HDAC4: variants seen among roughly 807,000 people sequenced by gnomAD.
HDAC4 encodes histone deacetylase 4, also known as histone deacetylase A.
HDAC4 carries 16 observed loss-of-function variants against 135.1 expected under a neutral mutation model. That is an observed-to-expected ratio of 0.12 (90% CI 0.08 to 0.18). The LOEUF (loss-of-function observed/expected upper bound fraction) is 0.18, where lower values mean the gene tolerates loss of function less well. Ranked by LOEUF, HDAC4 falls within the 10% of genes least tolerant of loss-of-function variation. The pLI is 1.00. For missense variants in HDAC4, 1,143 were observed against 1,511.8 expected (o/e 0.76, Z 4.05); for synonymous variants, 685 against 653.4 (o/e 1.05, Z -0.74).
chr2:239,252,992 T>C (rs1251404565), intron 2 of HDAC4, among the ~76,000 whole-genome samples: 1 of 152,222 alleles, frequency 6.6e-6, no homozygotes, highest in Non-Finnish European at 1.5e-5. Context: ...CACTGCACAC[T>C]TCCTAGCAGG....
At chr2:239,225,537 C>T (rs942159519) in intron 3 of HDAC4, among the ~76,000 whole-genome samples, 1 of 152,210 alleles carries the variant, frequency 6.6e-6, no homozygotes, top group African/African-American at 2.4e-5. Context: ...TGAGAAACAC[C>T]TGGATGGAGG....
At chr2:239,260,384 C>T (rs569716384) in intron 2 of HDAC4, among the ~76,000 whole-genome samples, 48 of 152,310 alleles carry the variant, frequency 3.2e-4, no homozygotes, top group Middle Eastern at 3.4e-3. Context: ...GGAAGGACAA[C>T]GCTTGGATCT....
intron 2 of HDAC4, among the ~76,000 whole-genome samples, chr2:239,292,437 G>A (rs74469943): frequency 0.036 from 5,445 of 152,278 alleles, 124 homozygotes; most frequent in East Asian, 0.079. Flanking sequence ...GCTGAGCCCC[G>A]CTGTCCATCT....
At chr2:239,064,190 G>T (rs1188512872) in intron 24 of HDAC4, among the ~76,000 whole-genome samples, 1 of 152,260 alleles carries the variant, frequency 6.6e-6, no homozygotes, top group Non-Finnish European at 1.5e-5. Context: ...TGTGTCACCT[G>T]GAGATATTGC....
Position 239,152,429 on chromosome 2 carries a change from T to C in HDAC4, c.733+4223A>G, listed in dbSNP as rs554874430. On this transcript the variant is annotated intron_variant, in intron 7 of 26. Coordinates refer to ENST00000543185, the MANE Select transcript of HDAC4 (RefSeq NM_001378414.1). ...TGGGAAGGGACCAGGCACCTCACCC[T>C]GGGCCGAAATCTGGCGGGAGGTGAA... 5.3e-5 allele frequency among the ~76,000 whole-genome samples: 8 copies of C among 152,344 alleles called. No individual in the cohort carries two copies. In the South Asian group the frequency reaches 1.7e-3, roughly 32 times the overall value.
At position 239,400,158 on chromosome 2, in the gene HDAC4, G is replaced by A. The variant is rs1297972662; in HGVS notation, c.-220+820C>T. Among the ~76,000 whole-genome samples, 1 of 151,702 alleles carries A rather than the reference G, an allele frequency of 6.6e-6. No homozygotes were observed. Among genetic ancestry groups the A allele is most frequent in the Non-Finnish European group, 1.5e-5 (1 of 67,834 alleles). Reference sequence around the variant, plus strand: ...GGACCGGGCCCCGTCTCGGCCTGCTGGCGCCCTGCGGGCTGAGCCGAGCGG... The same window carrying A: ...GGACCGGGCCCCGTCTCGGCCTGCTAGCGCCCTGCGGGCTGAGCCGAGCGG... On this transcript the variant is annotated intron_variant, in intron 1 of 26. Transcript: ENST00000543185. This position sits in a 1 kb window ranked among gnomAD's most constrained non-coding sequence, Gnocchi z 4.7.
chr2:239,104,838 G>C (rs1321755317), intron 15 of HDAC4, among the ~76,000 whole-genome samples: 2 of 152,256 alleles, frequency 1.3e-5, no homozygotes, highest in African/African-American at 4.8e-5. Context: ...ACAAATTAAA[G>C]TTGATGTTAG....
chr2:239,100,456 G>A (rs1417490272), intron 16 of HDAC4, among the ~76,000 whole-genome samples: 3 of 152,194 alleles, frequency 2.0e-5, no homozygotes, highest in African/African-American at 4.8e-5. Context: ...TCCACGTTAC[G>A]TGGATGTGGC....
intron 24 of HDAC4, among the ~76,000 whole-genome samples, chr2:239,061,493 G>A (rs957947516): frequency 3.3e-5 from 5 of 151,784 alleles, no homozygotes; most frequent in Admixed American, 6.6e-5. Flanking sequence ...GAGGGTGCAC[G>A]TGTGTGCACG....
chr2:239,229,638 T>C (rs1246848861), intron 3 of HDAC4, among the ~76,000 whole-genome samples: 1 of 152,084 alleles, frequency 6.6e-6, no homozygotes, highest in African/African-American at 2.4e-5. Context: ...ACATGTAAGG[T>C]ATATATTGGT....
chr2:239,055,825 G>A (rs1246778720), intron 24 of HDAC4, among the ~76,000 whole-genome samples: 1 of 152,300 alleles, frequency 6.6e-6, no homozygotes, highest in East Asian at 1.9e-4. Context: ...AAACCTGCTG[G>A]GTCTGGAACA....
At chr2:239,105,918 G>A (rs928136820) in intron 15 of HDAC4, among the ~76,000 whole-genome samples, 1 of 152,220 alleles carries the variant, frequency 6.6e-6, no homozygotes, top group African/African-American at 2.4e-5. Context: ...CACACTGCTC[G>A]CTCTGAACCT....
intron 16 of HDAC4, among the ~76,000 whole-genome samples, chr2:239,100,877 C>T (rs192141938): frequency 1.4e-4 from 22 of 152,216 alleles, no homozygotes; most frequent in African/African-American, 4.1e-4. Flanking sequence ...TGTCTTCCAC[C>T]GTCCCTTCCA....
rs1213125637 is a variant in HDAC4, at chr2:239,126,667, A to G, written c.1322T>C (p.Leu441Pro). 3 of 1,613,918 alleles carry G rather than the reference A, an allele frequency of 1.9e-6. No individual in the cohort carries two copies. Among genetic ancestry groups the G allele is most frequent in the African/African-American group, 1.3e-5 (1 of 74,956 alleles). ...AACCAAGGACTGTGCGTGGAGGGGC[A>G]GTGCTCCCAGGCCTGAAAGATACCA... ...TDWYLSGLGA[L>P]PLHAQSLVGA... is the part of the protein sequence containing the mutation. Residue 441 changes from leucine to proline, a missense_variant, in exon 12 of 27, where the codon CTG becomes CCG. By Grantham distance (98) the Leu-to-Pro change is moderately conservative. This residue lies in a region of HDAC4 where 272 missense variants were observed against 309.7 expected (regional missense o/e 0.88). Coordinates refer to ENST00000543185, the MANE Select transcript of HDAC4 (RefSeq NM_001378414.1).
chr2:239,290,185 AATTT>A (rs1244683551), intron 2 of HDAC4, among the ~76,000 whole-genome samples: 11 of 152,190 alleles, frequency 7.2e-5, no homozygotes, highest in Admixed American at 2.0e-4. Context: ...ATTTTTACTA[AATTT>A]ATTTTTTTTC....
rs140145401 is a variant in HDAC4, at chr2:239,169,452, G to A, written c.491-5529C>T. ...ACGGGGACCGCGTGCTATTGTCTAC[G>A]GAAGGCAGCTTTCTAAAGTGGAAAG... On this transcript the variant is annotated intron_variant, in intron 5 of 26. Coordinates refer to ENST00000543185, the MANE Select transcript of HDAC4 (RefSeq NM_001378414.1). Among the ~76,000 whole-genome samples, 385 of 152,362 alleles carry A rather than the reference G, an allele frequency of 2.5e-3. 1 individual carries two copies. The highest frequency in any genetic ancestry group is 8.7e-3 in the African/African-American group (361 of 41,588).
chr2:239,372,589 C>T (rs1189220300), intron 1 of HDAC4, among the ~76,000 whole-genome samples: 2 of 152,252 alleles, frequency 1.3e-5, no homozygotes, highest in African/African-American at 2.4e-5. Context: ...CCCGGCCTCC[C>T]GGTACACCAG....
At chr2:239,215,062 G>A (rs932679001) in intron 3 of HDAC4, among the ~76,000 whole-genome samples, 1 of 152,230 alleles carries the variant, frequency 6.6e-6, no homozygotes. Flanking sequence ...AGACATTCGA[G>A]CGGCAGAATC....
At chr2:239,388,239 A>T (rs1000149017) in intron 1 of HDAC4, among the ~76,000 whole-genome samples, 6 of 152,200 alleles carry the variant, frequency 3.9e-5, no homozygotes, top group Non-Finnish European at 7.3e-5. Flanking sequence ...TGCTTTGCAG[A>T]TGGGTGGACC....
Sources: gnomAD v4.1 joint callset for allele counts (sites outside exome capture counted in the v4.1 genomes callset) on GRCh38, gnomAD v4.1.1 for gene constraint, gnomAD v4.1.1 regional missense constraint, Gnocchi (gnomAD v3.1) non-coding constraint, MANE v1.5 for transcripts, NCBI Gene and HGNC (gene_info 2026-07-23, HGNC 2026-07-21) for gene names.